Variants in MDN1 observed in about 807,000 individuals in gnomAD.
MDN1 encodes the protein midasin AAA ATPase 1, also known as midasin.
MDN1 carries 266 observed loss-of-function variants against 669.2 expected under a neutral mutation model. The observed-to-expected ratio is 0.40, with a 90% confidence interval of 0.36 to 0.44. MDN1 has a LOEUF of 0.44. MDN1 is among the 20% of genes least tolerant of loss of function. The pLI is 1.00. For synonymous variants in MDN1, 2,385 were observed against 2,457.1 expected, an observed-to-expected ratio of 0.97 and a Z score of 0.87; for missense variants, 5,940 against 6,754.0, an observed-to-expected ratio of 0.88 and a Z score of 4.22.
At chr6:89,767,450 A>AT (rs1159867691) in intron 15 of MDN1, among the ~76,000 whole-genome samples, 3 of 152,200 alleles carry the variant, frequency 2.0e-5, no homozygotes, top group Non-Finnish European at 4.4e-5. Flanking sequence ...ACCCATAATA[A>AT]TAATTGCTTC....
chr6:89,647,753 T>C (rs1808576764), intron 99 of MDN1, among the ~76,000 whole-genome samples: 1 of 152,062 alleles, frequency 6.6e-6, no homozygotes, highest in Non-Finnish European at 1.5e-5. Context: ...CCAGGAATTT[T>C]AGACCAGCCT....
chr6:89,661,991 CAG>C (rs1300202391), intron 87 of MDN1, 94 bp downstream of exon 87: 1 of 1,427,916 alleles, frequency 7.0e-7, no homozygotes, highest in Non-Finnish European at 9.5e-7. Flanking sequence ...AGTCGACGAA[CAG>C]GGGAAAAAAT....
At chr6:89,678,136 G>T (rs1254894500) in intron 75 of MDN1, among the ~76,000 whole-genome samples, 1 of 152,116 alleles carries the variant, frequency 6.6e-6, no homozygotes, top group Non-Finnish European at 1.5e-5. Context: ...GCCGGGTGTG[G>T]TGGCACGCGC....
At chr6:89,742,060 C>T (rs541941605) in intron 31 of MDN1, among the ~76,000 whole-genome samples, 2 of 152,208 alleles carry the variant, frequency 1.3e-5, no homozygotes, top group African/African-American at 2.4e-5. Context: ...AAGATCGCAT[C>T]GCTGCACTCC....
intron 77 of MDN1, 187 bp from the exon 78 acceptor site, chr6:89,675,766 C>A: frequency 1.7e-6 from 1 of 578,202 alleles, no homozygotes; most frequent in South Asian, 2.3e-5. Context: ...TAGACAGGAA[C>A]TGGATTTAAC....
intron 29 of MDN1, 83 bp downstream of exon 29, chr6:89,745,190 C>A: frequency 9.6e-4 from 794 of 826,506 alleles, no homozygotes; most frequent in Non-Finnish European, 1.2e-3. Context: ...GGGATTAATA[C>A]TTTCATGAGT....
chr6:89,656,557 C>A (rs1189935422), intron 91 of MDN1, 143 bp downstream of exon 91: 1 of 696,554 alleles, frequency 1.4e-6, no homozygotes, highest in Non-Finnish European at 2.4e-6. Flanking sequence ...GGTCTGCTCA[C>A]CAAGGCTGCT....
rs779102423 is a variant in MDN1 at position 89,673,391 on chromosome 6, T to G, written c.13319A>C (p.Glu4440Ala). Residue 4440 changes from glutamate to alanine, a missense_variant, in exon 80 of 102, where the codon GAG (glutamate) becomes GCG (alanine). Around this residue, in one of 5 missense-constraint regions of MDN1, gnomAD observed 2,280 missense variants for 2,576.3 expected, o/e 0.88. Coordinates refer to ENST00000369393, the MANE Select transcript of MDN1 (RefSeq NM_014611.3). ...CATCCCTGGAAGAATGAACAAGGACTCTAGGCCCTGCAAATGAACTGACAC... is the reference window on the plus strand; with the variant it reads ...CATCCCTGGAAGAATGAACAAGGACGCTAGGCCCTGCAAATGAACTGACAC... The part of the protein sequence containing the change: ...SQVSVHLQGL[E>A]SLFILPGMEV... The G allele has an allele frequency of 6.2e-6, 10 of 1,614,192 alleles. No homozygotes were observed. The South Asian group carries it at 1.1e-4, about 18-fold the overall frequency.
At position 89,700,218 on chromosome 6, in the gene MDN1, T is replaced by C. The variant is rs1159174256; in HGVS notation, c.8715A>G (p.Lys2905=). 3 of 1,614,078 alleles carry C rather than the reference T, an allele frequency of 1.9e-6. No homozygotes were observed. Among genetic ancestry groups the C allele is most frequent in the Non-Finnish European group, 2.5e-6 (3 of 1,180,046 alleles). ...ACAGGGAGGAAGCTTCATCATGCTTTTTCTCCAGAAAACCAAGTGAGAGTC... is the reference window on the plus strand; with the variant it reads ...ACAGGGAGGAAGCTTCATCATGCTTCTTCTCCAGAAAACCAAGTGAGAGTC... ...AKGLSLGFLE[K]KHDEASSLSH... The change falls in exon 57 of 102, where the codon AAA becomes AAG. Residue 2905 remains lysine, a synonymous_variant. Coordinates refer to ENST00000369393, the MANE Select transcript of MDN1 (RefSeq NM_014611.3).
chr6:89,663,105 G>A (rs1809924257), intron 85 of MDN1, 138 bp from the exon 86 acceptor site: 4 of 870,722 alleles, frequency 4.6e-6, no homozygotes, highest in East Asian at 2.5e-5. Context: ...ACACCCTACG[G>A]GCAGATGCCT....
Position 89,643,111 on chromosome 6 carries a change from A to AAT in MDN1, c.*892_*893dup, listed in dbSNP as rs1808270082. The stretch of plus-strand genomic sequence containing the variant: ...AGATCAGTTTCTTTCGACTGGAAAA[A>AAT]ATAGATGGAGCTGCTGAGTTCTGGA... On this transcript the variant is annotated 3_prime_UTR_variant, in exon 102 of 102. Coordinates refer to ENST00000369393, the MANE Select transcript of MDN1 (RefSeq NM_014611.3). 6.6e-6 allele frequency: 1 copy of AAT among 152,220 alleles called. No individual in the cohort carries two copies. 9.4% of individuals were successfully genotyped at this position (152,220 alleles called of 1,614,324 possible).
intron 83 of MDN1, among the ~76,000 whole-genome samples, chr6:89,668,419 A>C (rs948790433): frequency 1.3e-5 from 2 of 152,224 alleles, no homozygotes; most frequent in African/African-American, 4.8e-5. Flanking sequence ...TCACTTTGCC[A>C]AGACAAAAAC....
At chr6:89,708,435 A>G in intron 51 of MDN1, 61 bp downstream of exon 51, 4 of 1,575,556 alleles carry the variant, frequency 2.5e-6, no homozygotes, top group Admixed American at 1.8e-5. Context: ...GATTCTTAGG[A>G]AAGGTATAAT....
In MDN1 at chr6:89,722,897, C is replaced by T. The variant is rs986999575; in HGVS notation, c.5967+58G>A. On this transcript the variant is annotated intron_variant, in intron 40 of 101. Transcript: ENST00000369393. ...TGCAATTAGTGTATGTCCTTTCTCA[C>T]CCACAGGAAATCAACTTTCAGATGG... 14 of 1,482,874 alleles carry T rather than the reference C, an allele frequency of 9.4e-6. No individual in the cohort carries two copies. In the African/African-American group the frequency reaches 1.4e-4, roughly 15 times the overall value. The allele number at this position is 1,482,874 out of a possible 1,614,324, so 91.9% of individuals were successfully genotyped here. A position where few individuals can be genotyped will look rare whatever the true frequency, so the allele number is the denominator to read the frequency against.
At chr6:89,662,058 A>G in intron 87 of MDN1, 29 bp downstream of exon 87, 1 of 1,596,744 alleles carries the variant, frequency 6.3e-7, no homozygotes, top group Admixed American at 1.8e-5. Flanking sequence ...TTGAGTCAAG[A>G]GAGCGGATCA....
chr6:89,655,155 A>G (rs1378335754), intron 92 of MDN1, among the ~76,000 whole-genome samples: 1 of 152,160 alleles, frequency 6.6e-6, no homozygotes, highest in Non-Finnish European at 1.5e-5. Context: ...TCCAATGTAG[A>G]GCAGTCATTT....
chr6:89,649,454 A>G (rs1006211767), intron 97 of MDN1, among the ~76,000 whole-genome samples: 1 of 152,260 alleles, frequency 6.6e-6, no homozygotes, highest in African/African-American at 2.4e-5. Context: ...TTATTAGCCC[A>G]TGCTGTATAA....
Position 89,691,790 on chromosome 6 carries a change from A to C in MDN1, c.10587+653T>G, listed in dbSNP as rs539254582. Reference sequence around the variant, plus strand: ...TTGTTGTACATTTTGTAGCAATTTAAGGACATGTCTCAGGGGCCCTGGTGG... The same window carrying C: ...TTGTTGTACATTTTGTAGCAATTTACGGACATGTCTCAGGGGCCCTGGTGG... On this transcript the variant is annotated intron_variant, in intron 63 of 101. Transcript: ENST00000369393. Among the ~76,000 whole-genome samples, 5 of 152,334 alleles carry C rather than the reference A, an allele frequency of 3.3e-5. No homozygotes were observed. The South Asian group carries it at 1.0e-3, about 32-fold the overall frequency.
chr6:89,718,714 A>T, intron 42 of MDN1, 53 bp downstream of exon 42: 1 of 1,608,968 alleles, frequency 6.2e-7, no homozygotes, highest in Non-Finnish European at 8.5e-7. Flanking sequence ...ACTCTCAGTC[A>T]GACCACGGGG....
Sources: allele counts gnomAD v4.1 joint callset (sites outside exome capture counted in the v4.1 genomes callset), GRCh38; gene constraint gnomAD v4.1.1; regional missense constraint gnomAD v4.1.1; transcripts MANE v1.5; gene names NCBI Gene and HGNC (gene_info 2026-07-23, HGNC 2026-07-21).